The following PKHD1 variants were observed in gnomAD, a reference collection of about 807,000 sequenced individuals.
PKHD1 encodes PKHD1 ciliary IPT domain containing fibrocystin/polyductin.
Under a neutral mutation model 412.0 loss-of-function variants are expected in PKHD1, and 291 were observed. The ratio of observed to expected loss-of-function variants is 0.71; its 90% CI spans 0.64 to 0.78. The LOEUF is 0.78. Among genes scored for constraint, PKHD1 ranks in the 30% least tolerant of loss-of-function variants. The pLI, the probability that PKHD1 is intolerant of heterozygous loss-of-function variation, is 0.00. For missense variants in PKHD1, 4,825 were observed against 4,950.7 expected (o/e 0.97, Z 0.76); for synonymous variants, 1,777 against 1,821.5 (o/e 0.98, Z 0.62).
chr6:51,714,762 A>G (rs1377898296), intron 60 of PKHD1, among the ~76,000 whole-genome samples: 5 of 152,152 alleles, frequency 3.3e-5, no homozygotes, highest in Non-Finnish European at 7.3e-5. Context: ...ACCTCACTTC[A>G]GAAGGTGAAT....
At chr6:51,951,444 G>C (rs966273153) in intron 36 of PKHD1, among the ~76,000 whole-genome samples, 1 of 152,006 alleles carries the variant, frequency 6.6e-6, no homozygotes, top group Non-Finnish European at 1.5e-5. Context: ...AGTTCAGTTA[G>C]CACTGACCCA....
chr6:51,653,845 A>G (rs1359269953), intron 61 of PKHD1, among the ~76,000 whole-genome samples: 1 of 152,170 alleles, frequency 6.6e-6, no homozygotes, highest in Non-Finnish European at 1.5e-5. Context: ...AAGTATTTTA[A>G]TTGGTAAATC....
At chr6:52,060,149 A>G in intron 14 of PKHD1, 107 bp from the exon 15 acceptor site, 1 of 715,806 alleles carries the variant, frequency 1.4e-6, no homozygotes, top group Admixed American at 1.9e-5. Context: ...ATAAAGAAGA[A>G]CAACCTGATT....
At chr6:51,799,505 C>T in intron 52 of PKHD1, among the ~76,000 whole-genome samples, 1 of 152,120 alleles carries the variant, frequency 6.6e-6, no homozygotes, top group Non-Finnish European at 1.5e-5. Flanking sequence ...TGTTTTTATT[C>T]CCAGCTGCTT....
At chr6:52,059,860 G>C in intron 15 of PKHD1, 68 bp downstream of exon 15, 1 of 820,014 alleles carries the variant, frequency 1.2e-6, no homozygotes, top group African/African-American at 1.7e-5. Context: ...CCTTAACTTT[G>C]ATTCTTTCTT....
At chr6:51,828,145 A>G (rs1390851134) in intron 52 of PKHD1, among the ~76,000 whole-genome samples, 1 of 152,110 alleles carries the variant, frequency 6.6e-6, no homozygotes, top group Non-Finnish European at 1.5e-5. Flanking sequence ...AGTATAATAT[A>G]TAGTCTAATT....
intron 63 of PKHD1, among the ~76,000 whole-genome samples, chr6:51,647,409 T>A (rs1376914568): frequency 6.6e-6 from 1 of 152,150 alleles, no homozygotes; most frequent in East Asian, 1.9e-4. Flanking sequence ...CTAGTAGAAA[T>A]CTGCATTTTA....
At chr6:51,969,423 A>C (rs955886282) in intron 35 of PKHD1, among the ~76,000 whole-genome samples, 2 of 152,136 alleles carry the variant, frequency 1.3e-5, no homozygotes, top group African/African-American at 4.8e-5. Context: ...TTTTTAATAG[A>C]TTTAGAGGGT....
At chr6:51,820,169 T>C (rs1766139111) in intron 52 of PKHD1, among the ~76,000 whole-genome samples, 1 of 129,656 alleles carries the variant, frequency 7.7e-6, no homozygotes, top group African/African-American at 2.8e-5. Context: ...TGATTTAGAT[T>C]CCCATAGCCT....
At chr6:51,689,304 T>G (rs891844674) in intron 60 of PKHD1, among the ~76,000 whole-genome samples, 1 of 152,220 alleles carries the variant, frequency 6.6e-6, no homozygotes, top group Non-Finnish European at 1.5e-5. Flanking sequence ...CATCAGTTCA[T>G]GTTAGAAACT....
At chr6:52,052,138 G>A (rs1042446486) in intron 21 of PKHD1, among the ~76,000 whole-genome samples, 52 of 152,178 alleles carry the variant, frequency 3.4e-4, no homozygotes, top group African/African-American at 1.2e-3. Context: ...TGTAAATTAA[G>A]GTATCATCTT....
intron 60 of PKHD1, among the ~76,000 whole-genome samples, chr6:51,663,239 AC>A (rs1408155659): frequency 6.6e-6 from 1 of 152,016 alleles, no homozygotes; most frequent in Non-Finnish European, 1.5e-5. Context: ...TCCTTTTTAC[AC>A]ATTTTTTTCA....
intron 60 of PKHD1, among the ~76,000 whole-genome samples, chr6:51,688,680 A>G (rs1777766982): frequency 6.6e-6 from 1 of 152,190 alleles, no homozygotes; most frequent in Admixed American, 6.5e-5. Flanking sequence ...AGATATACAA[A>G]CAACCATCAG....
chr6:51,888,008 T>C (rs1321513), intron 43 of PKHD1, among the ~76,000 whole-genome samples: 52,448 of 152,048 alleles, frequency 0.34, 10,015 homozygotes, highest in East Asian at 0.74. Flanking sequence ...CAGTATATGG[T>C]AGCTCTCCAA....
At chr6:51,823,751 A>G (rs1766854753) in intron 52 of PKHD1, among the ~76,000 whole-genome samples, 1 of 152,164 alleles carries the variant, frequency 6.6e-6, no homozygotes, top group Non-Finnish European at 1.5e-5. Context: ...TAGTTGAGGG[A>G]AAAATTCTTT....
chr6:51,766,769 A>G (rs957395724), intron 55 of PKHD1, among the ~76,000 whole-genome samples: 1 of 151,840 alleles, frequency 6.6e-6, no homozygotes, highest in Non-Finnish European at 1.5e-5. Flanking sequence ...TAGGAAATAT[A>G]CCTAATGCTA....
At chr6:51,740,125 A>C in intron 60 of PKHD1, 1 of 466,340 alleles carries the variant, frequency 2.1e-6, no homozygotes, top group Non-Finnish European at 4.3e-6. Flanking sequence ...GCTTGGCATG[A>C]GCTGTCTTGC....
At chr6:51,772,117 A>T (rs1249595919) in intron 55 of PKHD1, among the ~76,000 whole-genome samples, 1 of 152,028 alleles carries the variant, frequency 6.6e-6, no homozygotes, top group Non-Finnish European at 1.5e-5. Context: ...AAGACATATG[A>T]CCCATAGATA....
At chr6:52,046,536 T>C (rs1805869052) in intron 23 of PKHD1, among the ~76,000 whole-genome samples, 1 of 152,176 alleles carries the variant, frequency 6.6e-6, no homozygotes, top group Admixed American at 6.5e-5. Flanking sequence ...AAATATTAGA[T>C]CTTCCCTGGA....
Sources: gnomAD v4.1 joint callset for allele counts (sites outside exome capture counted in the v4.1 genomes callset) on GRCh38, gnomAD v4.1.1 for gene constraint, MANE v1.5 for transcripts, NCBI Gene and HGNC (gene_info 2026-07-23, HGNC 2026-07-21) for gene names.